OGDH: variants seen among roughly 807,000 people sequenced by gnomAD.
OGDH encodes oxoglutarate dehydrogenase.
Under a neutral mutation model 116.6 loss-of-function variants are expected in OGDH, and 38 were observed. The observed-to-expected ratio is 0.33, with a 90% CI of 0.25 to 0.43. The LOEUF is 0.43. OGDH is among the 20% of genes least tolerant of loss of function. The pLI is 1.00. For missense variants in OGDH, 825 were observed against 1,357.2 expected, an observed-to-expected ratio of 0.61 and a Z score of 6.16; for synonymous variants, 488 against 533.3, an observed-to-expected ratio of 0.92 and a Z score of 1.17.
At chr7:44,678,033 A>G (rs1787774240) in intron 9 of OGDH, among the ~76,000 whole-genome samples, 1 of 152,176 alleles carries the variant, frequency 6.6e-6, no homozygotes, top group Non-Finnish European at 1.5e-5. Context: ...TGATTCCCGC[A>G]TCGATCAATG....
rs1478030088 is a variant in OGDH at position 44,707,215 on chromosome 7, TC to T, written c.2633-9del. The T allele has an allele frequency of 6.2e-7, 1 of 1,613,566 alleles. No individual in the cohort carries two copies. Among genetic ancestry groups the T allele is most frequent in the South Asian group, 1.1e-5 (1 of 91,068 alleles). ...AGAGAACCAGCCTAGCCATGGGAAC[TC>T]TCTTGTAGGAACCCACTTCCAGCGG... On this transcript the variant is annotated splice_polypyrimidine_tract_variant and intron_variant, in intron 20 of 22. Coordinates refer to ENST00000222673, the MANE Select transcript of OGDH (RefSeq NM_002541.4). The surrounding 1 kb of genome is among the most constrained non-coding windows in gnomAD (Gnocchi z 5.2).
At chr7:44,629,597 T>C (rs1329915353) in intron 2 of OGDH, among the ~76,000 whole-genome samples, 69 of 142,230 alleles carry the variant, frequency 4.9e-4, no homozygotes, top group African/African-American at 1.7e-3. Flanking sequence ...TTTTTTTTTT[T>C]TGAGACGAGT....
At chr7:44,652,828 A>T (rs1312696907) in intron 4 of OGDH, among the ~76,000 whole-genome samples, 1 of 152,156 alleles carries the variant, frequency 6.6e-6, no homozygotes, top group Non-Finnish European at 1.5e-5. Flanking sequence ...ATCCAGTCAG[A>T]GTGGGAGGTA....
chr7:44,641,209 C>CT (rs781147896), intron 2 of OGDH, among the ~76,000 whole-genome samples: 6,968 of 108,268 alleles, frequency 0.064, 253 homozygotes, highest in Middle Eastern at 0.16. Flanking sequence ...CCTTTTTCTT[C>CT]TTTTTTTTTT....
chr7:44,656,866 T>A (rs1786713068), intron 4 of OGDH, among the ~76,000 whole-genome samples: 1 of 152,216 alleles, frequency 6.6e-6, no homozygotes, highest in Non-Finnish European at 1.5e-5. Flanking sequence ...TGAGAACTCT[T>A]AGTGACCCTC....
intron 1 of OGDH, among the ~76,000 whole-genome samples, chr7:44,614,052 C>T (rs552830920): frequency 8.7e-4 from 133 of 152,076 alleles, no homozygotes; most frequent in African/African-American, 3.1e-3. Flanking sequence ...GCCATCCGCT[C>T]GCCTCGGCCT....
At chr7:44,667,427 A>G (rs1422092176) in intron 5 of OGDH, among the ~76,000 whole-genome samples, 1 of 152,220 alleles carries the variant, frequency 6.6e-6, no homozygotes, top group African/African-American at 2.4e-5. Flanking sequence ...GCCTCAAGTC[A>G]GGGGTGGCTT....
At chr7:44,640,055 T>A (rs1450624251) in intron 2 of OGDH, among the ~76,000 whole-genome samples, 2 of 152,218 alleles carry the variant, frequency 1.3e-5, no homozygotes, top group African/African-American at 4.8e-5. Flanking sequence ...CTCCAGGGCC[T>A]AGGCTGGAAG....
intron 2 of OGDH, among the ~76,000 whole-genome samples, chr7:44,634,674 G>A (rs1785586852): frequency 6.6e-6 from 1 of 152,202 alleles, no homozygotes; most frequent in Non-Finnish European, 1.5e-5. Context: ...ACTGGCCTCA[G>A]TATAAACAGC....
chr7:44,672,544 C>T (rs73329023), intron 5 of OGDH, among the ~76,000 whole-genome samples: 24 of 152,190 alleles, frequency 1.6e-4, no homozygotes, highest in Non-Finnish European at 1.5e-5. Flanking sequence ...CTCTCAGACT[C>T]TCATTCTGGT....
intron 9 of OGDH, among the ~76,000 whole-genome samples, chr7:44,680,195 G>A: frequency 6.6e-6 from 1 of 152,064 alleles, no homozygotes; most frequent in East Asian, 1.9e-4. Flanking sequence ...CTGGGTGAAA[G>A]AGTGAGACCC....
At chr7:44,641,156 C>G (rs985637130) in intron 2 of OGDH, among the ~76,000 whole-genome samples, 6 of 150,928 alleles carry the variant, frequency 4.0e-5, no homozygotes, top group African/African-American at 1.5e-4. Context: ...CCGCTTCAGC[C>G]TCCCAAAGTG....
At position 44,627,977 on chromosome 7, in the gene OGDH, C is replaced by G. The variant is rs1052773299; in HGVS notation, c.222+3412C>G. Among the ~76,000 whole-genome samples, 3 of 152,076 alleles carry G rather than the reference C, an allele frequency of 2.0e-5. No homozygotes were observed. The South Asian group carries it at 6.2e-4, about 31-fold the overall frequency. ...CAGGCGTGAGCCACTGCACCCAGCC[C>G]CATTGTTATTTTTAAATCTGTGTTT... On this transcript the variant is annotated intron_variant, in intron 2 of 22. Coordinates refer to ENST00000222673, the MANE Select transcript of OGDH (RefSeq NM_002541.4).
At chr7:44,660,936 G>A (rs112508845) in intron 4 of OGDH, among the ~76,000 whole-genome samples, 63 of 150,824 alleles carry the variant, frequency 4.2e-4, no homozygotes, top group African/African-American at 5.7e-4. Context: ...ACACACACGC[G>A]CGTGTGCACA....
At chr7:44,645,545 G>A (rs761353326) in intron 3 of OGDH, 27 bp downstream of exon 3, 11 of 1,607,722 alleles carry the variant, frequency 6.8e-6, no homozygotes, top group Non-Finnish European at 8.5e-6. Context: ...ACCCGCACAC[G>A]GGAAAGGGTG....
intron 2 of OGDH, among the ~76,000 whole-genome samples, chr7:44,632,809 G>A (rs535762563): frequency 7.3e-5 from 11 of 151,536 alleles, no homozygotes; most frequent in East Asian, 2.0e-4. Flanking sequence ...TAGTAGAGAC[G>A]GGGTTTCGCC....
intron 17 of OGDH, 41 bp from the exon 18 acceptor site, chr7:44,698,151 C>T (rs772158839): frequency 1.6e-5 from 25 of 1,608,086 alleles, no homozygotes; most frequent in Non-Finnish European, 2.0e-5. Flanking sequence ...AATGTCAGTA[C>T]GCAAGAGCTC....
intron 10 of OGDH, among the ~76,000 whole-genome samples, chr7:44,691,010 AG>A (rs1280863822): frequency 6.6e-6 from 1 of 152,266 alleles, no homozygotes; most frequent in East Asian, 1.9e-4. Flanking sequence ...ATTATGTAAA[AG>A]CCATTAAACA....
intron 2 of OGDH, among the ~76,000 whole-genome samples, chr7:44,635,124 G>C (rs1037008586): frequency 2.0e-5 from 3 of 152,192 alleles, no homozygotes; most frequent in Non-Finnish European, 2.9e-5. Context: ...TCTACACTGA[G>C]GCCGGGATGG....
Sources: allele counts gnomAD v4.1 joint callset (sites outside exome capture counted in the v4.1 genomes callset), GRCh38; gene constraint gnomAD v4.1.1; non-coding constraint Gnocchi (gnomAD v3.1); transcripts MANE v1.5; gene names NCBI Gene and HGNC (gene_info 2026-07-23, HGNC 2026-07-21).